Variants in PPP1R14C observed in about 807,000 individuals in gnomAD.
PPP1R14C encodes the protein protein phosphatase 1 regulatory inhibitor subunit 14C.
A neutral mutation model predicts 20.4 loss-of-function variants in PPP1R14C; 16 were observed. The observed-to-expected ratio is 0.78, with a 90% CI of 0.53 to 1.19. PPP1R14C has a LOEUF of 1.19. PPP1R14C is among the 50% of genes most tolerant of loss of function. PPP1R14C has a pLI of 0.00. For missense variants in PPP1R14C, 211 were observed against 220.1 expected (o/e 0.96, Z 0.26); for synonymous variants, 91 against 91.0 (o/e 1.00, Z 0.00).
chr6:150,189,355 T>A (rs1697788909), intron 1 of PPP1R14C, among the ~76,000 whole-genome samples: 1 of 152,158 alleles, frequency 6.6e-6, no homozygotes, highest in South Asian at 2.1e-4. Context: ...CTTAATCTAT[T>A]TCTGTTGACA....
Position 150,231,182 on chromosome 6 carries a change from C to T in PPP1R14C, c.423+14326C>T, listed in dbSNP as rs539307876. ...AGAAAGGACCTTGTGTTTTCATGGC[C>T]GCTGCCGCATCCCCTCCGAAACGTG... On this transcript the variant is annotated intron_variant, in intron 3 of 3. Coordinates refer to ENST00000361131, the MANE Select transcript of PPP1R14C (RefSeq NM_030949.3). Among the ~76,000 whole-genome samples the T allele has an allele frequency of 3.3e-5, 5 of 152,300 alleles. No individual in the cohort carries two copies. The East Asian group carries it at 7.7e-4, about 24-fold the overall frequency.
chr6:150,167,998 C>CCT lies in PPP1R14C; in HGVS notation c.306+24501_306+24502insTC, dbSNP rs1391111127. 4.1e-4 allele frequency among the ~76,000 whole-genome samples: 15 copies of CCT among 36,878 alleles called. 1 individual carries two copies. Among genetic ancestry groups the CCT allele is most frequent in the Non-Finnish European group, 5.9e-4 (11 of 18,678 alleles). The allele number at this position is 36,878 out of a possible 152,430, so 24.2% of individuals were successfully genotyped here. ...TCCTTCTCTCCTCCCCTCTTCCTCT[C>CCT]CCCCTTGCTTTCCTCCCACCCTTTC... On this transcript the variant is annotated intron_variant, in intron 1 of 3. Transcript: ENST00000361131.
At chr6:150,196,627 T>A (rs1777808088) in intron 1 of PPP1R14C, among the ~76,000 whole-genome samples, 1 of 152,186 alleles carries the variant, frequency 6.6e-6, no homozygotes, top group Non-Finnish European at 1.5e-5. Context: ...ACTTGTCCCA[T>A]TAGTATTTGC....
At chr6:150,178,720 A>G (rs1777589551) in intron 1 of PPP1R14C, among the ~76,000 whole-genome samples, 1 of 152,242 alleles carries the variant, frequency 6.6e-6, no homozygotes, top group African/African-American at 2.4e-5. Context: ...CAGGGTCTTT[A>G]TACTGTTGTT....
chr6:150,159,575 A>G (rs1013339001), intron 1 of PPP1R14C, among the ~76,000 whole-genome samples: 2 of 149,078 alleles, frequency 1.3e-5, no homozygotes, highest in Admixed American at 6.7e-5. Context: ...CCTCCTTCCA[A>G]TATCCACCCA....
chr6:150,143,568 CG>C lies in PPP1R14C; in HGVS notation c.306+73del. On this transcript the variant is annotated intron_variant, in intron 1 of 3. Coordinates refer to ENST00000361131, the MANE Select transcript of PPP1R14C (RefSeq NM_030949.3). The surrounding 1 kb of genome is among the most constrained non-coding windows in gnomAD (Gnocchi z 5.6). ...CTCTGTGCCCGCGCAGTAATTTTCC[CG>C]GGCTCCAGCTCCGGGGCGCGCATGT... 8.7e-7 allele frequency: 1 copy of C among 1,151,302 alleles called. No homozygotes were observed. The highest frequency in any genetic ancestry group is 1.2e-6 in the Non-Finnish European group (1 of 818,620). The allele number at this position is 1,151,302 out of a possible 1,614,324, so 71.3% of individuals were successfully genotyped here.
At chr6:150,171,892 G>GCCTCC (rs1170489053) in intron 1 of PPP1R14C, among the ~76,000 whole-genome samples, 3 of 152,002 alleles carry the variant, frequency 2.0e-5, no homozygotes. Context: ...CGCAACCTCT[G>GCCTCC]CCTCCCGGGT....
At chr6:150,212,331 T>G (rs1778035701) in intron 1 of PPP1R14C, among the ~76,000 whole-genome samples, 1 of 152,210 alleles carries the variant, frequency 6.6e-6, no homozygotes, top group African/African-American at 2.4e-5. Context: ...GCTTACCATA[T>G]GGGACAGCCC....
intron 3 of PPP1R14C, among the ~76,000 whole-genome samples, chr6:150,245,586 T>G (rs1778481884): frequency 6.6e-6 from 1 of 152,236 alleles, no homozygotes; most frequent in Non-Finnish European, 1.5e-5. Context: ...CTCTGTTAAT[T>G]CGTCTTAACT....
At chr6:150,211,862 G>T (rs534344130) in intron 1 of PPP1R14C, among the ~76,000 whole-genome samples, 1 of 152,302 alleles carries the variant, frequency 6.6e-6, no homozygotes, top group South Asian at 2.1e-4. Flanking sequence ...ATCAGGGTGG[G>T]ATTTCTGAGA....
chr6:150,229,114 A>G (rs1276443228), intron 3 of PPP1R14C, among the ~76,000 whole-genome samples: 3 of 152,188 alleles, frequency 2.0e-5, no homozygotes, highest in Admixed American at 6.5e-5. Context: ...AAAAGAAAGA[A>G]TATAAAATAA....
rs1480819416 is a variant in PPP1R14C at position 150,201,466 on chromosome 6, G to T, written c.307-13278G>T. Among the ~76,000 whole-genome samples the T allele has an allele frequency of 1.3e-5, 2 of 152,220 alleles. No individual in the cohort carries two copies. The highest frequency in any genetic ancestry group is 4.8e-5 in the African/African-American group (2 of 41,456). ...GCAAAGGCCCTGTGGAGGCCTGGCT[G>T]GGGAGTGTCCTGAGGGATCGGAGGA... On this transcript the variant is annotated intron_variant, in intron 1 of 3. Coordinates refer to ENST00000361131, the MANE Select transcript of PPP1R14C (RefSeq NM_030949.3). The surrounding 1 kb of genome is among the most constrained non-coding windows in gnomAD (Gnocchi z 4.2).
intron 1 of PPP1R14C, among the ~76,000 whole-genome samples, chr6:150,179,192 G>C (rs902498034): frequency 5.9e-5 from 9 of 152,100 alleles, no homozygotes; most frequent in Non-Finnish European, 1.3e-4. Flanking sequence ...CGCTGCTTGA[G>C]CCCAGGAGTT....
intron 1 of PPP1R14C, among the ~76,000 whole-genome samples, chr6:150,208,373 C>T (rs1255026657): frequency 6.6e-6 from 1 of 152,166 alleles, no homozygotes; most frequent in Non-Finnish European, 1.5e-5. Flanking sequence ...TTCCAGGATC[C>T]TCCCTTTATC....
chr6:150,209,731 G>A (rs1777997908), intron 1 of PPP1R14C, among the ~76,000 whole-genome samples: 1 of 151,504 alleles, frequency 6.6e-6, no homozygotes, highest in Non-Finnish European at 1.5e-5. Context: ...GAGTAGTGTG[G>A]AGTGTGTGTA....
rs141646879 is a variant in PPP1R14C at position 150,210,043 on chromosome 6, C to T, written c.307-4701C>T. Among the ~76,000 whole-genome samples the T allele has an allele frequency of 2.4e-3, 366 of 152,032 alleles. 1 individual carries two copies. Among genetic ancestry groups the T allele is most frequent in the African/African-American group, 8.3e-3 (346 of 41,456 alleles). Reference sequence around the variant, plus strand: ...TGTGTGTGTGTGTGTGTTGTCACTGCGGGCCAGCTGTGTTTCAGGACCCTG... The same window carrying T: ...TGTGTGTGTGTGTGTGTTGTCACTGTGGGCCAGCTGTGTTTCAGGACCCTG... On this transcript the variant is annotated intron_variant, in intron 1 of 3. Transcript: ENST00000361131.
At chr6:150,243,686 A>G (rs953908671) in intron 3 of PPP1R14C, among the ~76,000 whole-genome samples, 2 of 152,210 alleles carry the variant, frequency 1.3e-5, no homozygotes, top group Admixed American at 6.5e-5. Flanking sequence ...TACACAAAAG[A>G]AATGGAAGCA....
intron 1 of PPP1R14C, among the ~76,000 whole-genome samples, chr6:150,205,666 A>G (rs990739913): frequency 4.0e-5 from 6 of 151,726 alleles, no homozygotes; most frequent in Non-Finnish European, 7.4e-5. Context: ...GGTGGCAGGC[A>G]CCTGTAATCT....
chr6:150,176,864 G>A (rs1216163847), intron 1 of PPP1R14C, among the ~76,000 whole-genome samples: 1 of 152,200 alleles, frequency 6.6e-6, no homozygotes. Flanking sequence ...GCAAGGAGAT[G>A]GGTTTTATAC....
Sources: gnomAD v4.1 joint callset for allele counts (sites outside exome capture counted in the v4.1 genomes callset) on GRCh38, gnomAD v4.1.1 for gene constraint, Gnocchi (gnomAD v3.1) non-coding constraint, MANE v1.5 for transcripts, NCBI Gene and HGNC (gene_info 2026-07-23, HGNC 2026-07-21) for gene names.